SLC22A24: variants seen among roughly 807,000 people sequenced by gnomAD.
The protein encoded by SLC22A24 is steroid transmembrane transporter SLC22A24.
A neutral mutation model predicts 49.8 loss-of-function variants in SLC22A24; 53 were observed. That is an observed-to-expected ratio of 1.06 (90% CI 0.85 to 1.34). SLC22A24 has a LOEUF of 1.34. Ranked by LOEUF, SLC22A24 falls within the 40% of genes most tolerant of loss-of-function variation. SLC22A24 has a pLI of 0.00. For missense variants in SLC22A24, 786 were observed against 675.9 expected (o/e 1.16, Z -1.81); for synonymous variants, 302 against 256.4 (o/e 1.18, Z -1.70).
intron 2 of SLC22A24, among the ~76,000 whole-genome samples, chr11:63,128,349 T>C (rs2087307592): frequency 6.6e-6 from 1 of 151,910 alleles, no homozygotes; most frequent in Non-Finnish European, 1.5e-5. Context: ...CGGACCTTGG[T>C]CTAGTCGTAG....
chr11:63,130,866 C>G (rs978834784), intron 2 of SLC22A24, among the ~76,000 whole-genome samples: 5 of 151,942 alleles, frequency 3.3e-5, no homozygotes, highest in Admixed American at 2.6e-4. Flanking sequence ...CTAATATTGA[C>G]AGTGGGGTGT....
chr11:63,095,953 C>A, intron 6 of SLC22A24, 38 bp downstream of exon 6: 1 of 1,388,924 alleles, frequency 7.2e-7, no homozygotes, highest in Non-Finnish European at 1.0e-6. Flanking sequence ...TTTGTGTCTC[C>A]AATATTTTAA....
At chr11:63,084,635 C>T (rs1220572048) in intron 6 of SLC22A24, among the ~76,000 whole-genome samples, 1 of 152,154 alleles carries the variant, frequency 6.6e-6, no homozygotes, top group African/African-American at 2.4e-5. Context: ...TGATCATCCA[C>T]CATGCCCAGC....
At chr11:63,108,258 C>T (rs12789594) in intron 4 of SLC22A24, among the ~76,000 whole-genome samples, 2,378 of 152,264 alleles carry the variant, frequency 0.016, 24 homozygotes, top group Non-Finnish European at 0.026. Flanking sequence ...ATATGCCGAA[C>T]CAGCCTTGCA....
At position 63,083,391 on chromosome 11, in the gene SLC22A24, G is replaced by T. The variant is rs532220444; in HGVS notation, c.1137C>A (p.Ser379=). 5.2e-5 allele frequency: 80 copies of T among 1,551,676 alleles called. 1 individual carries two copies. The South Asian group carries it at 9.3e-4, about 18-fold the overall frequency. The change falls in exon 7 of 10, where the codon TCC becomes TCA. Residue 379 remains serine (S), a synonymous_variant. Transcript: ENST00000612278. ...LNLQHLGSNV[S]LFQILCGAVT... ...CAGCTCCACAGAGAATCTGGAACAG[G>T]GAGACATTGCTCCCTAAGTGCTGCA...
chr11:63,091,661 T>G (rs1488629385), intron 6 of SLC22A24, among the ~76,000 whole-genome samples: 2 of 152,282 alleles, frequency 1.3e-5, no homozygotes, highest in East Asian at 1.9e-4. Flanking sequence ...AAAAACCACA[T>G]GATTATCTCA....
At chr11:63,102,910 T>C (rs1386115200) in intron 5 of SLC22A24, among the ~76,000 whole-genome samples, 1 of 152,154 alleles carries the variant, frequency 6.6e-6, no homozygotes, top group Non-Finnish European at 1.5e-5. Context: ...GCTGCTATCA[T>C]TATTGTATGC....
chr11:63,096,124 A>G lies in SLC22A24; in HGVS notation c.955-18T>C. The G allele has an allele frequency of 3.4e-6, 5 of 1,474,474 alleles. 1 individual carries two copies. In the Middle Eastern group the frequency reaches 5.2e-4, roughly 152 times the overall value. 91.3% of individuals were successfully genotyped at this position (1,474,474 alleles called of 1,614,324 possible). On this transcript the variant is annotated intron_variant, in intron 5 of 9. Coordinates refer to ENST00000612278, the MANE Select transcript of SLC22A24 (RefSeq NM_001136506.2). Reference sequence around the variant, plus strand: ...CTCACAAGCTTCAGCAACAAAAATAACAACAAGCATTTGTGAGATGTCAAT... The same window carrying G: ...CTCACAAGCTTCAGCAACAAAAATAGCAACAAGCATTTGTGAGATGTCAAT...
At position 63,099,371 on chromosome 11, in the gene SLC22A24, ATTTTTT is replaced by A. The variant is rs56708217; in HGVS notation, c.955-3271_955-3266del. On this transcript the variant is annotated intron_variant, in intron 5 of 9. Transcript: ENST00000612278. ...CCACCACACCTGGCTAATTTTTAAG[ATTTTTT>A]TTTTTTTTTTTTTTTTTTTTTTTGT... Among the ~76,000 whole-genome samples the A allele has an allele frequency of 9.9e-3, 517 of 52,314 alleles. 1 individual carries two copies. The highest frequency in any genetic ancestry group is 0.032 in the East Asian group (42 of 1,300). The allele number at this position is 52,314 out of a possible 152,430, so 34.3% of individuals were successfully genotyped here.
At chr11:63,099,884 G>A (rs981037655) in intron 5 of SLC22A24, among the ~76,000 whole-genome samples, 8 of 152,002 alleles carry the variant, frequency 5.3e-5, no homozygotes, top group Non-Finnish European at 8.8e-5. Flanking sequence ...TTCCCTTCAT[G>A]ATAAAAACTC....
intron 1 of SLC22A24, among the ~76,000 whole-genome samples, chr11:63,135,512 C>T (rs1944040): frequency 0.72 from 108,922 of 152,082 alleles, 40,400 homozygotes; most frequent in East Asian, 0.9. Flanking sequence ...TTAATTAATT[C>T]GCTTAATATT....
chr11:63,110,105 A>T (rs972469851), intron 4 of SLC22A24, among the ~76,000 whole-genome samples: 4 of 151,804 alleles, frequency 2.6e-5, no homozygotes, highest in Admixed American at 6.6e-5. Context: ...TAAATAGGGA[A>T]TCCTTTCCCC....
intron 4 of SLC22A24, among the ~76,000 whole-genome samples, chr11:63,112,761 C>A (rs2087175387): frequency 6.6e-6 from 1 of 151,702 alleles, no homozygotes; most frequent in Non-Finnish European, 1.5e-5. Context: ...ACGTGTGACT[C>A]CCAGCACTTT....
intron 4 of SLC22A24, among the ~76,000 whole-genome samples, chr11:63,113,741 C>T (rs1250152787): frequency 6.6e-6 from 1 of 151,156 alleles, no homozygotes; most frequent in Non-Finnish European, 1.5e-5. Flanking sequence ...GTAGTCCCAG[C>T]TACTTGAGAG....
At chr11:63,106,718 A>G (rs1343124162) in intron 4 of SLC22A24, among the ~76,000 whole-genome samples, 1 of 152,180 alleles carries the variant, frequency 6.6e-6, no homozygotes, top group East Asian at 1.9e-4. Flanking sequence ...TTGACTGCAT[A>G]AATGTCTTCT....
At chr11:63,134,569 C>T (rs946396742) in intron 2 of SLC22A24, 96 bp downstream of exon 2, 1 of 731,846 alleles carries the variant, frequency 1.4e-6, no homozygotes, top group Non-Finnish European at 2.3e-6. Flanking sequence ...TAGCACAATG[C>T]AAAGTATACA....
chr11:63,095,622 A>G (rs897430672), intron 6 of SLC22A24, among the ~76,000 whole-genome samples: 6 of 152,158 alleles, frequency 3.9e-5, no homozygotes, highest in South Asian at 2.1e-4. Context: ...TGGTGGTTAC[A>G]TAGTTTTATA....
At chr11:63,106,342 T>G (rs540684269) in intron 4 of SLC22A24, among the ~76,000 whole-genome samples, 1 of 152,270 alleles carries the variant, frequency 6.6e-6, no homozygotes, top group Non-Finnish European at 1.5e-5. Context: ...TTGTTGGACA[T>G]TTAGGTTGGC....
chr11:63,124,080 C>A (rs747223818), intron 2 of SLC22A24, among the ~76,000 whole-genome samples: 2 of 151,748 alleles, frequency 1.3e-5, no homozygotes, highest in Non-Finnish European at 2.9e-5. Context: ...GAGCTATGTG[C>A]AGAAAAAAGA....
Sources: gnomAD v4.1 joint callset for allele counts (sites outside exome capture counted in the v4.1 genomes callset) on GRCh38, gnomAD v4.1.1 for gene constraint, MANE v1.5 for transcripts, NCBI Gene and HGNC (gene_info 2026-07-23, HGNC 2026-07-21) for gene names.